The following CCSER1 variants were observed in gnomAD, a reference collection of about 807,000 sequenced individuals.
The protein encoded by CCSER1 is coiled-coil serine rich protein 1, also known as serine-rich coiled-coil domain-containing protein 1.
A neutral mutation model predicts 82.0 loss-of-function variants in CCSER1; 41 were observed. The observed-to-expected ratio is 0.50, with a 90% CI of 0.39 to 0.65. The LOEUF (loss-of-function observed/expected upper bound fraction) is 0.65, where lower values mean the gene tolerates loss of function less well. Ranked by LOEUF, CCSER1 falls within the 30% of genes least tolerant of loss-of-function variation. CCSER1 has a pLI of 0.00. For missense variants in CCSER1, 1,119 were observed against 1,064.2 expected (o/e 1.05, Z -0.72); for synonymous variants, 414 against 383.9 (o/e 1.08, Z -0.92).
At chr4:91,349,743 C>T (rs1748342767) in intron 10 of CCSER1, among the ~76,000 whole-genome samples, 1 of 148,930 alleles carries the variant, frequency 6.7e-6, no homozygotes, top group Non-Finnish European at 1.5e-5. Context: ...ACTGAGAGAA[C>T]CCAACTGGGC....
At chr4:90,860,150 A>C (rs917431041) in intron 8 of CCSER1, among the ~76,000 whole-genome samples, 1 of 151,706 alleles carries the variant, frequency 6.6e-6, no homozygotes, top group Non-Finnish European at 1.5e-5. Flanking sequence ...TGTATAATTC[A>C]ACAATAAAAA....
At chr4:91,401,068 G>A (rs957397672) in intron 10 of CCSER1, among the ~76,000 whole-genome samples, 1 of 151,564 alleles carries the variant, frequency 6.6e-6, no homozygotes, top group African/African-American at 2.4e-5. Flanking sequence ...GAAGAATGAG[G>A]GAAATAAGTA....
At chr4:91,118,816 G>C (rs1726848713) in intron 10 of CCSER1, among the ~76,000 whole-genome samples, 1 of 152,118 alleles carries the variant, frequency 6.6e-6, no homozygotes, top group South Asian at 2.1e-4. Context: ...TTTTGAAAAT[G>C]GGTACTATGA....
rs183709575 is a variant in CCSER1 at position 90,420,976 on chromosome 4, A to G, written c.1603+20847A>G. 3.3e-3 allele frequency among the ~76,000 whole-genome samples: 501 copies of G among 152,270 alleles called. 3 individuals carry two copies. Among genetic ancestry groups the G allele is most frequent in the African/African-American group, 0.011 (473 of 41,588 alleles). On this transcript the variant is annotated intron_variant, in intron 4 of 10. Transcript: ENST00000509176. Reference sequence around the variant, plus strand: ...TCCATACAATTGCTTGAATAATGCCAGGAACATCAGCTGTCACTATCAAAA... The same window carrying G: ...TCCATACAATTGCTTGAATAATGCCGGGAACATCAGCTGTCACTATCAAAA...
intron 6 of CCSER1, among the ~76,000 whole-genome samples, chr4:90,672,795 G>A (rs1349634392): frequency 1.3e-5 from 2 of 151,860 alleles, no homozygotes; most frequent in East Asian, 1.9e-4. Flanking sequence ...TGATTAATTG[G>A]CATAATTTAA....
At chr4:91,553,392 C>G (rs1334500143) in intron 10 of CCSER1, among the ~76,000 whole-genome samples, 1 of 151,532 alleles carries the variant, frequency 6.6e-6, no homozygotes, top group African/African-American at 2.4e-5. Context: ...GCTATGGTAT[C>G]AGGGTCATTC....
At chr4:91,350,172 TTTTA>T (rs1748377056) in intron 10 of CCSER1, among the ~76,000 whole-genome samples, 1 of 152,178 alleles carries the variant, frequency 6.6e-6, no homozygotes, top group African/African-American at 2.4e-5. Flanking sequence ...CCATGTAAAC[TTTTA>T]TTTAATCATT....
At chr4:90,989,983 C>T (rs1173354994) in intron 9 of CCSER1, among the ~76,000 whole-genome samples, 3 of 151,692 alleles carry the variant, frequency 2.0e-5, no homozygotes, top group Non-Finnish European at 4.4e-5. Context: ...ACCTAGGGTA[C>T]CCAGAAGATG....
rs33978938 is a variant in CCSER1, at chr4:90,448,245, CA to C, written c.1604-19987del. On this transcript the variant is annotated intron_variant, in intron 4 of 10. Transcript: ENST00000509176. ...ATACATGTTTTCTTAGAATGGATAA[CA>C]ACCATGATTTTATCTTATGTTTGGA... is the stretch of plus-strand genomic sequence containing the variant. 8.0e-3 allele frequency among the ~76,000 whole-genome samples: 1,212 copies of C among 151,634 alleles called. 14 individuals are homozygous for C. The highest frequency in any genetic ancestry group is 0.028 in the African/African-American group (1,163 of 41,428).
chr4:90,584,709 A>G (rs1186435991), intron 5 of CCSER1, among the ~76,000 whole-genome samples: 2 of 152,236 alleles, frequency 1.3e-5, no homozygotes, highest in Non-Finnish European at 2.9e-5. Context: ...CACTTTTAAT[A>G]TAGAAACTAA....
At chr4:91,162,227 T>G (rs1487085659) in intron 10 of CCSER1, among the ~76,000 whole-genome samples, 2 of 152,216 alleles carry the variant, frequency 1.3e-5, no homozygotes, top group East Asian at 3.9e-4. Flanking sequence ...ATGTGATGGA[T>G]TATGTTTATT....
chr4:91,020,267 CA>C (rs1407729651), intron 9 of CCSER1, among the ~76,000 whole-genome samples: 13 of 152,254 alleles, frequency 8.5e-5, no homozygotes, highest in African/African-American at 3.1e-4. Context: ...ACATCCCTTG[CA>C]AAGATATGTA....
rs1421821620 is a variant in CCSER1 at position 90,932,516 on chromosome 4, T to G, written c.2172+9069T>G. Among the ~76,000 whole-genome samples, 3 of 152,026 alleles carry G rather than the reference T, an allele frequency of 2.0e-5. No homozygotes were observed. In the East Asian group the frequency reaches 5.8e-4, roughly 29 times the overall value. ...ATATAGAATGAAAAGTATTATGTTTTTAAGTTTTGGGGGTTATAAGAAACA... is the reference window on the plus strand; with the variant it reads ...ATATAGAATGAAAAGTATTATGTTTGTAAGTTTTGGGGGTTATAAGAAACA... On this transcript the variant is annotated intron_variant, in intron 9 of 10. Transcript: ENST00000509176.
chr4:90,759,364 T>C lies in CCSER1; in HGVS notation c.2010+35373T>C, dbSNP rs142691858. Among the ~76,000 whole-genome samples the C allele has an allele frequency of 1.4e-3, 206 of 152,248 alleles. 1 individual carries two copies. Among genetic ancestry groups the C allele is most frequent in the African/African-American group, 4.7e-3 (194 of 41,552 alleles). On this transcript the variant is annotated intron_variant, in intron 7 of 10. Transcript: ENST00000509176. ...TAGAAAATTGAGTTCTTTAAAGATATTGGGAATAGGACAAAATGCTACCTC... is the reference window on the plus strand; with the variant it reads ...TAGAAAATTGAGTTCTTTAAAGATACTGGGAATAGGACAAAATGCTACCTC...
chr4:90,409,184 G>A (rs1429583363), intron 4 of CCSER1, among the ~76,000 whole-genome samples: 2 of 152,212 alleles, frequency 1.3e-5, no homozygotes, highest in East Asian at 3.8e-4. Context: ...AGGGAGAATG[G>A]AACCAAGTTG....
intron 3 of CCSER1, among the ~76,000 whole-genome samples, chr4:90,316,621 A>G (rs1228371807): frequency 6.6e-6 from 1 of 152,224 alleles, no homozygotes; most frequent in Non-Finnish European, 1.5e-5. Flanking sequence ...CTTTACTCCT[A>G]ACTTTTAATG....
intron 5 of CCSER1, among the ~76,000 whole-genome samples, chr4:90,589,140 A>G (rs1268245904): frequency 6.6e-6 from 1 of 152,188 alleles, no homozygotes; most frequent in Non-Finnish European, 1.5e-5. Context: ...ATACAAATAT[A>G]TGAGTCAAAG....
At chr4:90,985,944 G>A (rs562546858) in intron 9 of CCSER1, among the ~76,000 whole-genome samples, 1 of 151,728 alleles carries the variant, frequency 6.6e-6, no homozygotes, top group South Asian at 2.1e-4. Context: ...AGTAACTTTT[G>A]TGATTAGACA....
At chr4:90,560,532 G>GT (rs1336347090) in intron 5 of CCSER1, among the ~76,000 whole-genome samples, 1 of 152,018 alleles carries the variant, frequency 6.6e-6, no homozygotes, top group Non-Finnish European at 1.5e-5. Flanking sequence ...TTTTATTCAT[G>GT]TTTTACTACC....
Sources: gnomAD v4.1 joint callset for allele counts (sites outside exome capture counted in the v4.1 genomes callset) on GRCh38, gnomAD v4.1.1 for gene constraint, MANE v1.5 for transcripts, NCBI Gene and HGNC (gene_info 2026-07-23, HGNC 2026-07-21) for gene names.